The following RNF220 variants were observed in gnomAD, a reference collection of about 807,000 sequenced individuals.
RNF220 encodes the protein ring finger protein 220.
RNF220 carries 7 observed loss-of-function variants against 67.1 expected under a neutral mutation model. The ratio of observed to expected loss-of-function variants is 0.10; its 90% CI spans 0.06 to 0.20. The LOEUF (loss-of-function observed/expected upper bound fraction) is 0.20. Ranked by LOEUF, RNF220 falls within the 10% of genes least tolerant of loss-of-function variation. The pLI, the probability that RNF220 is intolerant of heterozygous loss-of-function variation, is 1.00. For synonymous variants in RNF220, 270 were observed against 283.2 expected (o/e 0.95, Z 0.47); for missense variants, 565 against 740.3 (o/e 0.76, Z 2.75).
At chr1:44,456,969 C>T (rs1028870354) in intron 2 of RNF220, among the ~76,000 whole-genome samples, 7 of 152,176 alleles carry the variant, frequency 4.6e-5, no homozygotes, top group East Asian at 3.9e-4. Flanking sequence ...CTGGAACACA[C>T]GTCCCCCCAA....
At chr1:44,464,521 C>T (rs1339607575) in intron 2 of RNF220, among the ~76,000 whole-genome samples, 1 of 152,214 alleles carries the variant, frequency 6.6e-6, no homozygotes, top group African/African-American at 2.4e-5. Flanking sequence ...AGGAATGTCA[C>T]TTCATCCTGC....
chr1:44,579,521 C>A (rs913247638), intron 2 of RNF220, among the ~76,000 whole-genome samples: 3 of 152,228 alleles, frequency 2.0e-5, no homozygotes, highest in Non-Finnish European at 4.4e-5. Flanking sequence ...CAGCCTCTTA[C>A]ATGTGAGCCT....
chr1:44,636,554 A>C, intron 8 of RNF220: 1 of 672,864 alleles, frequency 1.5e-6, no homozygotes, highest in East Asian at 2.8e-5. Flanking sequence ...CACCTCCAGC[A>C]CTGGGGGCCC....
Position 44,621,723 on chromosome 1 carries a change from A to G in RNF220, c.759-1019A>G, listed in dbSNP as rs139781750. On this transcript the variant is annotated intron_variant, in intron 3 of 14. Coordinates refer to ENST00000361799, the MANE Select transcript of RNF220 (RefSeq NM_018150.4). This position sits in a 1 kb window ranked among gnomAD's most constrained non-coding sequence, Gnocchi z 4.8. ...TTATGTCTACACTCGTTAAGTCCCT[A>G]TGTGCCCCATGCATTCTGCCTTGGA... Among the ~76,000 whole-genome samples, 1,063 of 152,144 alleles carry G rather than the reference A, an allele frequency of 7.0e-3. 42 individuals are homozygous for G. The highest frequency in any genetic ancestry group is 0.063 in the Admixed American group (961 of 15,284).
intron 2 of RNF220, among the ~76,000 whole-genome samples, chr1:44,538,521 G>C (rs921817693): frequency 3.9e-5 from 6 of 152,196 alleles, no homozygotes; most frequent in Admixed American, 2.6e-4. Context: ...TCAAACAGCA[G>C]TAACAACCTC....
At chr1:44,471,838 C>G (rs1409071957) in intron 2 of RNF220, among the ~76,000 whole-genome samples, 1 of 151,816 alleles carries the variant, frequency 6.6e-6, no homozygotes, top group African/African-American at 2.4e-5. Flanking sequence ...AAAAAAAGAA[C>G]AAAAAACAAA....
At chr1:44,639,527 C>T (rs961578211) in intron 8 of RNF220, among the ~76,000 whole-genome samples, 3 of 152,206 alleles carry the variant, frequency 2.0e-5, no homozygotes, top group South Asian at 4.1e-4. Context: ...TAAGCCCTGG[C>T]GGTGACTGCG....
At chr1:44,612,902 C>T (rs533945155) in intron 2 of RNF220, among the ~76,000 whole-genome samples, 6 of 152,300 alleles carry the variant, frequency 3.9e-5, no homozygotes, top group African/African-American at 1.2e-4. Context: ...CCTCCAGGAA[C>T]CAGTGGGAAG....
intron 5 of RNF220, chr1:44,632,042 G>T: frequency 9.3e-7 from 1 of 1,080,570 alleles, no homozygotes; most frequent in African/African-American, 1.7e-5. Context: ...GAATCCGCCC[G>T]CATCGCCGCC....
At chr1:44,437,230 G>A (rs908045908) in intron 2 of RNF220, among the ~76,000 whole-genome samples, 3 of 152,202 alleles carry the variant, frequency 2.0e-5, no homozygotes, top group Admixed American at 6.5e-5. Context: ...AAAGTCGATT[G>A]CATAGACACA....
intron 2 of RNF220, among the ~76,000 whole-genome samples, chr1:44,418,923 A>G (rs1648905947): frequency 6.6e-6 from 1 of 152,170 alleles, no homozygotes; most frequent in South Asian, 2.1e-4. Context: ...CTTATTAACC[A>G]CATCCATGTG....
At chr1:44,515,878 A>C (rs539126176) in intron 2 of RNF220, among the ~76,000 whole-genome samples, 2 of 152,226 alleles carry the variant, frequency 1.3e-5, no homozygotes, top group Non-Finnish European at 2.9e-5. Flanking sequence ...TGTAAATTAC[A>C]TACACTTTCC....
intron 2 of RNF220, among the ~76,000 whole-genome samples, chr1:44,466,088 C>T (rs1174505020): frequency 2.0e-5 from 3 of 152,244 alleles, no homozygotes; most frequent in Admixed American, 2.0e-4. Flanking sequence ...TCAGTCCTCT[C>T]AATCTCTGCC....
At chr1:44,527,953 T>TAAAAAAAAAAAA (rs1660526359) in intron 2 of RNF220, among the ~76,000 whole-genome samples, 1 of 70,000 alleles carries the variant, frequency 1.4e-5, no homozygotes, top group African/African-American at 5.2e-5. Flanking sequence ...AAAAAAAAAG[T>TAAAAAAAAAAAA]TAAATGCAAA....
chr1:44,624,769 C>G lies in RNF220; in HGVS notation c.805-1528C>G, dbSNP rs1435570643. Among the ~76,000 whole-genome samples the G allele has an allele frequency of 6.6e-6, 1 of 152,088 alleles. No homozygotes were observed. Among genetic ancestry groups the G allele is most frequent in the Non-Finnish European group, 1.5e-5 (1 of 68,034 alleles). ...AAAAAAATTAGCCGGTGGCGGCTATCATATTAAAGGGTGAAGAAGCCGTGA... is the reference window on the plus strand; with the variant it reads ...AAAAAAATTAGCCGGTGGCGGCTATGATATTAAAGGGTGAAGAAGCCGTGA... On this transcript the variant is annotated intron_variant, in intron 4 of 14. Transcript: ENST00000361799. The surrounding 1 kb of genome is among the most constrained non-coding windows in gnomAD (Gnocchi z 4.2).
At position 44,537,972 on chromosome 1, in the gene RNF220, C is replaced by T. The variant is rs140400192; in HGVS notation, c.626-76193C>T. ...TCTCAAACCTATACTTCCAGAAATT[C>T]TATTTTTAGCCTACATGCAGAATAG... On this transcript the variant is annotated intron_variant, in intron 2 of 14. Transcript: ENST00000361799. 5.1e-3 allele frequency among the ~76,000 whole-genome samples: 781 copies of T among 152,350 alleles called. 5 individuals carry two copies. Among genetic ancestry groups the T allele is most frequent in the African/African-American group, 0.018 (750 of 41,578 alleles).
intron 2 of RNF220, among the ~76,000 whole-genome samples, chr1:44,415,337 A>C (rs1648412264): frequency 6.6e-6 from 1 of 151,868 alleles, no homozygotes; most frequent in Admixed American, 6.6e-5. Context: ...ATCGAGTGAC[A>C]GTATACAAGA....
intron 2 of RNF220, among the ~76,000 whole-genome samples, chr1:44,540,778 C>T (rs1263128864): frequency 1.3e-5 from 2 of 151,626 alleles, no homozygotes; most frequent in African/African-American, 4.9e-5. Context: ...CCCACACAAA[C>T]CAGCCACGCC....
intron 6 of RNF220, among the ~76,000 whole-genome samples, chr1:44,633,328 A>T (rs183013345): frequency 2.6e-5 from 4 of 152,360 alleles, no homozygotes; most frequent in African/African-American, 9.6e-5. Context: ...GCTGGGATGT[A>T]ACTGAGCCAT....
Sources: allele counts gnomAD v4.1 joint callset (sites outside exome capture counted in the v4.1 genomes callset), GRCh38; gene constraint gnomAD v4.1.1; non-coding constraint Gnocchi (gnomAD v3.1); transcripts MANE v1.5; gene names NCBI Gene and HGNC (gene_info 2026-07-23, HGNC 2026-07-21).